NRXN3: variants seen among roughly 807,000 people sequenced by gnomAD.
The protein encoded by NRXN3 is neurexin 3, also known as neurexin III.
In NRXN3, 32 loss-of-function variants were observed where a neutral mutation model predicts 137.6. That is an observed-to-expected ratio of 0.23 (90% confidence interval 0.18 to 0.31). The LOEUF is 0.31. Ranked by LOEUF, NRXN3 falls within the 10% of genes least tolerant of loss-of-function variation. The pLI, the probability that NRXN3 is intolerant of heterozygous loss-of-function variation, is 1.00. For synonymous variants in NRXN3, 798 were observed against 784.5 expected (o/e 1.02, Z -0.29); for missense variants, 1,574 against 2,062.5 (o/e 0.76, Z 4.59).
chr14:79,828,618 CAAAAAAAAA>C (rs60094990), intron 20 of NRXN3, among the ~76,000 whole-genome samples: 9 of 67,580 alleles, frequency 1.3e-4, no homozygotes, highest in African/African-American at 2.5e-4. Flanking sequence ...GACTCCATCT[CAAAAAAAAA>C]AAAAAAAAAA....
chr14:78,281,656 G>A (rs1384737671), intron 3 of NRXN3, among the ~76,000 whole-genome samples: 7 of 152,270 alleles, frequency 4.6e-5, no homozygotes, highest in Admixed American at 2.0e-4. Context: ...ATAAGCACTT[G>A]GCAGGTGCTG....
chr14:79,838,304 G>A (rs898247198), intron 20 of NRXN3, among the ~76,000 whole-genome samples: 2 of 152,176 alleles, frequency 1.3e-5, no homozygotes, highest in Admixed American at 6.5e-5. Context: ...GAACAAAACT[G>A]TTGAGCAGAC....
At chr14:78,283,510 CA>C (rs904139981) in intron 3 of NRXN3, 4 of 151,520 alleles carry the variant, frequency 2.6e-5, no homozygotes, top group African/African-American at 9.7e-5. Context: ...CTCTGGCTAA[CA>C]TTTTTTTTTT....
intron 15 of NRXN3, among the ~76,000 whole-genome samples, chr14:79,442,827 C>A (rs891882238): frequency 3.1e-4 from 47 of 152,162 alleles, no homozygotes; most frequent in African/African-American, 1.1e-3. Context: ...TTTGGTAGAA[C>A]CTTGAGCAGG....
chr14:78,462,552 C>A (rs757562047), intron 4 of NRXN3, among the ~76,000 whole-genome samples: 1 of 152,170 alleles, frequency 6.6e-6, no homozygotes, highest in Non-Finnish European at 1.5e-5. Flanking sequence ...ATAATTAAAG[C>A]ATCTGTCTCT....
intron 16 of NRXN3, among the ~76,000 whole-genome samples, chr14:79,510,131 G>A (rs558525827): frequency 9.9e-5 from 15 of 152,124 alleles, no homozygotes; most frequent in South Asian, 4.1e-4. Context: ...CTTCTTTTCC[G>A]TTTACCTAAG....
intron 15 of NRXN3, among the ~76,000 whole-genome samples, chr14:79,160,412 T>G (rs1166661125): frequency 2.0e-5 from 3 of 151,952 alleles, no homozygotes; most frequent in Admixed American, 1.3e-4. Flanking sequence ...CCATTAGTTT[T>G]GTTGCTTTAT....
At chr14:78,320,757 C>G (rs1000431569) in intron 4 of NRXN3, among the ~76,000 whole-genome samples, 10 of 152,100 alleles carry the variant, frequency 6.6e-5, no homozygotes, top group African/African-American at 2.4e-4. Context: ...AGTGAGAGAG[C>G]TGCTTTTGTT....
intron 17 of NRXN3, among the ~76,000 whole-genome samples, chr14:79,676,822 C>G (rs927955695): frequency 5.3e-5 from 8 of 152,092 alleles, no homozygotes; most frequent in African/African-American, 1.4e-4. Flanking sequence ...AATTTTGACT[C>G]CAATTAAGTT....
At position 78,376,391 on chromosome 14, in the gene NRXN3, T is replaced by C. The variant is rs960527404; in HGVS notation, c.757+78531T>C. 3.3e-5 allele frequency among the ~76,000 whole-genome samples: 5 copies of C among 152,194 alleles called. No individual in the cohort carries two copies. The South Asian group carries it at 6.2e-4, about 19-fold the overall frequency. ...TTTCAAGAATAGTAACAGATCTGGTTTTTACATTAGATTTTTCAATTTTAA... is the reference window on the plus strand; with the variant it reads ...TTTCAAGAATAGTAACAGATCTGGTCTTTACATTAGATTTTTCAATTTTAA... On this transcript the variant is annotated intron_variant, in intron 4 of 20. Coordinates refer to ENST00000335750, the MANE Select transcript of NRXN3 (RefSeq NM_001330195.2).
At chr14:78,571,346 A>G (rs574913218) in intron 4 of NRXN3, among the ~76,000 whole-genome samples, 1 of 152,192 alleles carries the variant, frequency 6.6e-6, no homozygotes, top group Admixed American at 6.5e-5. Flanking sequence ...AAACCTGGCC[A>G]TATCTAATGA....
chr14:78,234,486 G>A (rs2065903365), intron 1 of NRXN3, among the ~76,000 whole-genome samples: 3 of 152,210 alleles, frequency 2.0e-5, no homozygotes, highest in Admixed American at 2.0e-4. Flanking sequence ...AGGTCACATA[G>A]GCATCAAGTA....
chr14:78,900,217 ATTGT>A (rs2099191099), intron 10 of NRXN3, among the ~76,000 whole-genome samples: 2 of 150,878 alleles, frequency 1.3e-5, no homozygotes, highest in Non-Finnish European at 3.0e-5. Flanking sequence ...TTTTTTTTCT[ATTGT>A]TATAGATGAG....
At chr14:78,877,356 G>A (rs1455404011) in intron 10 of NRXN3, among the ~76,000 whole-genome samples, 1 of 151,988 alleles carries the variant, frequency 6.6e-6, no homozygotes, top group Non-Finnish European at 1.5e-5. Context: ...CCTTTTTCAG[G>A]GCCCCGTGTA....
intron 6 of NRXN3, among the ~76,000 whole-genome samples, chr14:78,681,930 CA>C (rs1228643414): frequency 2.6e-5 from 4 of 152,092 alleles, no homozygotes; most frequent in Non-Finnish European, 5.9e-5. Flanking sequence ...TCCAGTGGCA[CA>C]ACCTCGGCCC....
At chr14:79,657,948 T>G (rs1567799245) in intron 16 of NRXN3, among the ~76,000 whole-genome samples, 1 of 152,194 alleles carries the variant, frequency 6.6e-6, no homozygotes, top group Non-Finnish European at 1.5e-5. Context: ...AACCACACAT[T>G]CTAATTCATC....
At chr14:78,344,298 C>T (rs1045031636) in intron 4 of NRXN3, among the ~76,000 whole-genome samples, 1 of 152,200 alleles carries the variant, frequency 6.6e-6, no homozygotes, top group Non-Finnish European at 1.5e-5. Context: ...TCCAACATTC[C>T]TACCCTAGGG....
chr14:78,243,810 C>A lies in NRXN3; in HGVS notation c.709+8C>A. 1.3e-6 allele frequency: 2 copies of A among 1,548,752 alleles called. No individual in the cohort carries two copies. Among genetic ancestry groups the A allele is most frequent in the Non-Finnish European group, 1.7e-6 (2 of 1,154,610 alleles). ...GCAAGCTCTGCTCAGAAGGTAAGAC[C>A]CTCTCCCTCTCTTGCTAGAGACCCA... On this transcript the variant is annotated splice_region_variant and intron_variant, in intron 2 of 20. Coordinates refer to ENST00000335750, the MANE Select transcript of NRXN3 (RefSeq NM_001330195.2). The surrounding 1 kb of genome is among the most constrained non-coding windows in gnomAD (Gnocchi z 4.2).
At chr14:78,809,306 C>G (rs1230088056) in intron 9 of NRXN3, among the ~76,000 whole-genome samples, 1 of 133,996 alleles carries the variant, frequency 7.5e-6, no homozygotes, top group Non-Finnish European at 1.6e-5. Flanking sequence ...AAAATTTTCT[C>G]TCCTCAAGAT....
Sources: gnomAD v4.1 joint callset for allele counts (sites outside exome capture counted in the v4.1 genomes callset) on GRCh38, gnomAD v4.1.1 for gene constraint, Gnocchi (gnomAD v3.1) non-coding constraint, MANE v1.5 for transcripts, NCBI Gene and HGNC (gene_info 2026-07-23, HGNC 2026-07-21) for gene names.